ZPBP2: variants seen among roughly 807,000 people sequenced by gnomAD.
ZPBP2 encodes zona pellucida-binding protein 2.
Under a neutral mutation model 37.5 loss-of-function variants are expected in ZPBP2, and 34 were observed. The ratio of observed to expected loss-of-function variants is 0.91; its 90% CI spans 0.69 to 1.21. The LOEUF (loss-of-function observed/expected upper bound fraction) is 1.21. ZPBP2 is among the 50% of genes most tolerant of loss of function. The pLI is 0.00. For missense variants in ZPBP2, 397 were observed against 413.5 expected (o/e 0.96, Z 0.35); for synonymous variants, 143 against 138.4 (o/e 1.03, Z -0.23).
chr17:39,872,922 G>A, intron 5 of ZPBP2, 122 bp from the exon 6 acceptor site: 1 of 775,680 alleles, frequency 1.3e-6, no homozygotes, highest in Non-Finnish European at 2.1e-6. Flanking sequence ...TTATTACTAG[G>A]ATTAGATAGC....
Position 39,868,221 on chromosome 17 carries a change from T to G in ZPBP2, c.-134T>G, listed in dbSNP as rs527794843. On this transcript the variant is annotated 5_prime_UTR_variant, in exon 1 of 8. Coordinates refer to ENST00000348931, the MANE Select transcript of ZPBP2 (RefSeq NM_199321.3). ...TCTCCTGCGCGTCCGCTCCCGCCGT[T>G]GCGACGGACGGGTAGGGGAGGCGAC... The G allele has an allele frequency of 1.0e-6, 1 of 958,504 alleles. No homozygotes were observed. The highest frequency in any genetic ancestry group is 1.5e-6 in the Non-Finnish European group (1 of 656,558). The allele number at this position is 958,504 out of a possible 1,614,324, so 59.4% of individuals were successfully genotyped here. A position where few individuals can be genotyped will look rare whatever the true frequency, so the allele number is the denominator to read the frequency against.
intron 2 of ZPBP2, 116 bp downstream of exon 2, chr17:39,868,730 A>G (rs559498288): frequency 6.0e-6 from 7 of 1,158,182 alleles, no homozygotes; most frequent in South Asian, 2.6e-5. Flanking sequence ...AGCATCTATT[A>G]TACTAAGCAT....
chr17:39,869,907 G>T (rs543138274), intron 2 of ZPBP2, among the ~76,000 whole-genome samples: 1 of 150,432 alleles, frequency 6.6e-6, no homozygotes, highest in South Asian at 2.1e-4. Context: ...TAGAGATGGG[G>T]TTTCACCACG....
intron 2 of ZPBP2, 130 bp downstream of exon 2, chr17:39,868,744 C>A: frequency 9.7e-7 from 1 of 1,030,638 alleles, no homozygotes. Context: ...TAAGCATCTG[C>A]TTGGCAGTTC....
rs745420240 is a variant in ZPBP2, at chr17:39,872,275, C to G, written c.412C>G (p.Arg138Gly). ...TCTTTCTTTTTTTTTTAAAGCCTAT[C>G]GGGAACCTGATTATTCATATCAGAT... ...KRYDFMVFAY[R>G]EPDYSYQMAV... is the part of the protein sequence containing the mutation. Residue 138 changes from arginine to glycine, a missense_variant, in exon 5 of 8, where the codon CGG becomes GGG. Transcript: ENST00000348931. The G allele has an allele frequency of 2.5e-6, 4 of 1,581,832 alleles. No homozygotes were observed. Among genetic ancestry groups the G allele is most frequent in the Admixed American group, 3.8e-5 (2 of 53,222 alleles).
Position 39,873,044 on chromosome 17 carries a change from T to C in ZPBP2, c.626T>C (p.Val209Ala). ...LIHELFIAFQ[V>A]NPFAPGWKGA... Reference sequence around the variant, plus strand: ...AGTCTATCATTTTTTTTCTCTTCAGTTAATCCTTTTGCGCCGGGGTGGAAA... The same window carrying C: ...AGTCTATCATTTTTTTTCTCTTCAGCTAATCCTTTTGCGCCGGGGTGGAAA... Residue 209 changes from valine to alanine, a missense_variant and splice_region_variant, in exon 6 of 8, where the codon GTT (valine) becomes GCT (alanine). Coordinates refer to ENST00000348931, the MANE Select transcript of ZPBP2 (RefSeq NM_199321.3). The C allele has an allele frequency of 1.9e-6, 3 of 1,610,774 alleles. No homozygotes were observed. The highest frequency in any genetic ancestry group is 2.5e-6 in the Non-Finnish European group (3 of 1,178,710).
chr17:39,874,220 T>A (rs575090757), intron 6 of ZPBP2, among the ~76,000 whole-genome samples: 110 of 152,220 alleles, frequency 7.2e-4, no homozygotes, highest in Non-Finnish European at 1.2e-3. Flanking sequence ...CTCAAACTCC[T>A]GACCTCAAGT....
In ZPBP2 at chr17:39,875,357, A is replaced by G. The variant is rs1368505279; in HGVS notation, c.812A>G (p.Gln271Arg). 5.0e-6 allele frequency: 8 copies of G among 1,614,062 alleles called. No homozygotes were observed. The highest frequency in any genetic ancestry group is 2.5e-6 in the Non-Finnish European group (3 of 1,180,026). ...ATGCATTTTGTGGACCACAGTTTGC[A>G]AGTAGTACGTCTGGATAGCTGTCGA... The part of the protein sequence containing the change: ...PAMHFVDHSL[Q>R]VVRLDSCRPG... The change falls in exon 7 of 8, where the codon CAA (glutamine) becomes CGA (arginine). Residue 271 changes from glutamine to arginine, a missense_variant. Physicochemically the swap from Gln to Arg is conservative, Grantham distance 43. Transcript: ENST00000348931.
At position 39,877,886 on chromosome 17, in the gene ZPBP2, C is replaced by T. The variant is rs982823383; in HGVS notation, c.*1077C>T. The T allele has an allele frequency of 5.9e-5, 9 of 151,952 alleles. No individual in the cohort carries two copies. Among genetic ancestry groups the T allele is most frequent in the Non-Finnish European group, 1.0e-4 (7 of 67,968 alleles). The allele number at this position is 151,952 out of a possible 1,614,324, so 9.4% of individuals were successfully genotyped here. A position where few individuals can be genotyped will look rare whatever the true frequency, so the allele number is the denominator to read the frequency against. ...AGTTTTCAGTGATTAAAAATAAAGC[C>T]GCTATAAACATTTGTGTGCAGGTTT... is the stretch of plus-strand genomic sequence containing the variant. On this transcript the variant is annotated 3_prime_UTR_variant, in exon 8 of 8. Transcript: ENST00000348931.
rs150324566 is a variant in ZPBP2 at position 39,872,453 on chromosome 17, A to G, written c.590A>G (p.His197Arg). ...TGCCATTCTGTTGAAATTCCAGAACATGGCCTCATACATGAGCTATTTATA... is the reference window on the plus strand; with the variant it reads ...TGCCATTCTGTTGAAATTCCAGAACGTGGCCTCATACATGAGCTATTTATA... ...YKCHSVEIPE[H>R]GLIHELFIAF... The change falls in exon 5 of 8, where the codon CAT becomes CGT. Residue 197 changes from histidine (H) to arginine (R), a missense_variant. By Grantham distance (29) the His-to-Arg change is conservative. Transcript: ENST00000348931. The G allele has an allele frequency of 3.1e-6, 5 of 1,612,512 alleles. No homozygotes were observed. Among genetic ancestry groups the G allele is most frequent in the East Asian group, 2.2e-5 (1 of 44,772 alleles).
At chr17:39,870,889 T>A in intron 3 of ZPBP2, 70 bp downstream of exon 3, 1 of 1,243,426 alleles carries the variant, frequency 8.0e-7, no homozygotes, top group Non-Finnish European at 1.1e-6. Flanking sequence ...TGTTACTTAT[T>A]GGAAAGAACA....
chr17:39,872,217 A>C, intron 4 of ZPBP2, 53 bp from the exon 5 acceptor site: 2 of 1,394,682 alleles, frequency 1.4e-6, no homozygotes, highest in Non-Finnish European at 1.9e-6. Context: ...TGGTAGAGGA[A>C]ATTAATGCTA....
chr17:39,868,723 A>G, intron 2 of ZPBP2, 109 bp downstream of exon 2: 2 of 1,258,792 alleles, frequency 1.6e-6, no homozygotes, highest in South Asian at 1.2e-5. Context: ...TTTATTGAGC[A>G]TCTATTATAC....
At chr17:39,874,016 GCT>G (rs1212965678) in intron 6 of ZPBP2, among the ~76,000 whole-genome samples, 2 of 110,322 alleles carry the variant, frequency 1.8e-5, no homozygotes, top group Non-Finnish European at 3.4e-5. Flanking sequence ...ACGGAGTCTT[GCT>G]CTGTTGCCCA....
chr17:39,869,782 G>C (rs34120102), intron 2 of ZPBP2, among the ~76,000 whole-genome samples: 1 of 143,146 alleles, frequency 7.0e-6, no homozygotes, highest in African/African-American at 2.6e-5. Context: ...GTGTGATCTC[G>C]GGTCGCTGCA....
rs2063395255 is a variant in ZPBP2 at position 39,877,375 on chromosome 17, A to G, written c.*566A>G. 1 of 152,062 alleles carries G rather than the reference A, an allele frequency of 6.6e-6. No homozygotes were observed. Among genetic ancestry groups the G allele is most frequent in the African/African-American group, 2.4e-5 (1 of 41,388 alleles). 9.4% of individuals were successfully genotyped at this position (152,062 alleles called of 1,614,324 possible). ...CCATACCCTCATTCCTCCTTACACA[A>G]TTTCTCCTATTATTAAGATGGTGCA... On this transcript the variant is annotated 3_prime_UTR_variant, in exon 8 of 8. Transcript: ENST00000348931.
chr17:39,873,058 C>T lies in ZPBP2; in HGVS notation c.640C>T (p.Pro214Ser). ...TTTCTCTTCAGTTAATCCTTTTGCG[C>T]CGGGGTGGAAAGGTGCTTGCAATGG... ...FIAFQVNPFA[P>S]GWKGACNGSV... Residue 214 changes from proline to serine, a missense_variant, in exon 6 of 8, where the codon CCG (proline) becomes TCG (serine). By Grantham distance (74) the Pro-to-Ser change is moderately conservative. Transcript: ENST00000348931. The T allele has an allele frequency of 6.2e-7, 1 of 1,610,728 alleles. No homozygotes were observed. Among genetic ancestry groups the T allele is most frequent in the Non-Finnish European group, 8.5e-7 (1 of 1,178,630 alleles).
chr17:39,871,587 A>C lies in ZPBP2; in HGVS notation c.368A>C (p.Glu123Ala). The change falls in exon 4 of 8, where the codon GAA becomes GCA. Residue 123 changes from glutamate (E) to alanine (A), a missense_variant. Glu to Ala is a moderately radical substitution (Grantham distance 107). Transcript: ENST00000348931. Reference sequence around the variant, plus strand: ...ACTGTTAAAGCAGAAACTCAAGAAGAAAAAACAGTCAAAAAGAGATATGAC... The same window carrying C: ...ACTGTTAAAGCAGAAACTCAAGAAGCAAAAACAGTCAAAAAGAGATATGAC... ...YKTVKAETQEEKTVKKRYDFM... is the reference protein window; with the variant it reads ...YKTVKAETQEAKTVKKRYDFM... The C allele has an allele frequency of 6.3e-7, 1 of 1,596,544 alleles. No homozygotes were observed.
intron 6 of ZPBP2, among the ~76,000 whole-genome samples, chr17:39,874,589 C>A (rs2063380522): frequency 6.6e-6 from 1 of 151,752 alleles, no homozygotes. Flanking sequence ...CTGCCACTAC[C>A]CCTGGCTAAG....
Sources: gnomAD v4.1 joint callset for allele counts (sites outside exome capture counted in the v4.1 genomes callset) on GRCh38, gnomAD v4.1.1 for gene constraint, MANE v1.5 for transcripts, NCBI Gene and HGNC (gene_info 2026-07-23, HGNC 2026-07-21) for gene names.